Variants in ATP6V0E2 observed in about 807,000 individuals in gnomAD.
The protein encoded by ATP6V0E2 is ATPase H+ transporting V0 subunit e2, also known as V-type proton ATPase subunit e 2.
In ATP6V0E2, 4 loss-of-function variants were observed where a neutral mutation model predicts 11.5. That is an observed-to-expected ratio of 0.35 (90% CI 0.17 to 0.80). The LOEUF (loss-of-function observed/expected upper bound fraction) is 0.80, where lower values mean the gene tolerates loss of function less well. Among genes scored for constraint, ATP6V0E2 ranks in the 30% least tolerant of loss-of-function variants. ATP6V0E2 has a pLI of 0.53. For synonymous variants in ATP6V0E2, 52 were observed against 51.0 expected (o/e 1.02, Z -0.09); for missense variants, 93 against 113.5 (o/e 0.82, Z 0.82).
chr7:149,878,721 C>T lies in ATP6V0E2; in HGVS notation c.196C>T (p.Pro66Ser), dbSNP rs760406815. 6.2e-7 allele frequency: 1 copy of T among 1,613,002 alleles called. No individual in the cohort carries two copies. Among genetic ancestry groups the T allele is most frequent in the Non-Finnish European group, 8.5e-7 (1 of 1,179,878 alleles). ...ILAQLNPLFG[P>S]QLKNETIWYV... Reference sequence around the variant, plus strand: ...GGCGCAGCTGAACCCCCTGTTCGGGCCCCAGCTGAAGAATGAGACCATCTG... The same window carrying T: ...GGCGCAGCTGAACCCCCTGTTCGGGTCCCAGCTGAAGAATGAGACCATCTG... The change falls in exon 3 of 4, where the codon CCC (proline) becomes TCC (serine). Residue 66 changes from proline to serine, a missense_variant. Pro to Ser is a moderately conservative substitution (Grantham distance 74, BLOSUM62 -1). Transcript: ENST00000425642.
intron 2 of ATP6V0E2, 21 bp downstream of exon 2, chr7:149,875,666 C>T (rs754896597): frequency 1.9e-6 from 3 of 1,610,746 alleles, no homozygotes; most frequent in Non-Finnish European, 2.5e-6. Context: ...CTCTCCCCAG[C>T]TCAAAGTCAG....
At chr7:149,876,034 CTGT>C (rs1803114566) in intron 2 of ATP6V0E2, 1 of 471,642 alleles carries the variant, frequency 2.1e-6, no homozygotes, top group Non-Finnish European at 4.2e-6. Context: ...TTGGGAATTC[CTGT>C]TGTTCATGAA....
At position 149,879,418 on chromosome 7, in the gene ATP6V0E2, T is replaced by A; in HGVS notation, c.*103T>A. On this transcript the variant is annotated 3_prime_UTR_variant, in exon 4 of 4. Transcript: ENST00000425642. The stretch of plus-strand genomic sequence containing the variant: ...CCCTCCCCCACACAACTATGTCTGG[T>A]CACCAGCTCCCTCCTGCTGGCACCC... 1 of 1,605,278 alleles carries A rather than the reference T, an allele frequency of 6.2e-7. No homozygotes were observed. Among genetic ancestry groups the A allele is most frequent in the Non-Finnish European group, 8.5e-7 (1 of 1,176,182 alleles).
upstream of ATP6V0E2, chr7:149,873,918 G>A: frequency 6.6e-7 from 1 of 1,523,878 alleles, no homozygotes; most frequent in Non-Finnish European, 8.8e-7. Flanking sequence ...TGGATCAGGA[G>A]ATGCGCGTGC....
At chr7:149,873,835 C>G, upstream of ATP6V0E2, 1 of 1,437,426 alleles carries the variant, frequency 7.0e-7, no homozygotes, top group South Asian at 1.5e-5. Context: ...CGGCATTTCT[C>G]TCTGTCCGCG....
chr7:149,875,530 C>G, intron 1 of ATP6V0E2, 68 bp from the exon 2 acceptor site: 1 of 1,533,886 alleles, frequency 6.5e-7, no homozygotes, highest in Non-Finnish European at 9.0e-7. Flanking sequence ...TCTTCTTGCT[C>G]TGGTCCTGGC....
At chr7:149,875,199 T>C (rs1334377104) in intron 1 of ATP6V0E2, among the ~76,000 whole-genome samples, 1 of 152,258 alleles carries the variant, frequency 6.6e-6, no homozygotes, top group Non-Finnish European at 1.5e-5. Context: ...CCCTGTCTTC[T>C]AGCCTATTGT....
chr7:149,873,405 A>G (rs1312861402), upstream of ATP6V0E2: 1 of 152,592 alleles, frequency 6.6e-6, no homozygotes, highest in Non-Finnish European at 1.5e-5. Context: ...CCTTCCCCCA[A>G]ACGTCTCAGC....
At chr7:149,878,230 C>T (rs935178675) in intron 2 of ATP6V0E2, among the ~76,000 whole-genome samples, 1 of 152,222 alleles carries the variant, frequency 6.6e-6, no homozygotes, top group African/African-American at 2.4e-5. Flanking sequence ...GGCCCCTGAC[C>T]CGTCAGCTCC....
At chr7:149,876,923 T>G (rs1386848746) in intron 2 of ATP6V0E2, among the ~76,000 whole-genome samples, 1 of 152,232 alleles carries the variant, frequency 6.6e-6, no homozygotes, top group African/African-American at 2.4e-5. Context: ...TCAAAATACA[T>G]AGGACAAAAC....
In ATP6V0E2 at chr7:149,879,881, C is replaced by G; in HGVS notation, c.*566C>G. On this transcript the variant is annotated 3_prime_UTR_variant, in exon 4 of 4. Coordinates refer to ENST00000425642, the MANE Select transcript of ATP6V0E2 (RefSeq NM_145230.4). ...GAAAATGTTGAAGCAGAGAAACATT[C>G]ACACACAAAAAGCAACATAGTCATG... 2.4e-6 allele frequency: 1 copy of G among 420,436 alleles called. No individual in the cohort carries two copies. Among genetic ancestry groups the G allele is most frequent in the Non-Finnish European group, 4.1e-6 (1 of 244,216 alleles). 26.0% of individuals were successfully genotyped at this position (420,436 alleles called of 1,614,324 possible).
upstream of ATP6V0E2, chr7:149,873,689 A>G: frequency 2.0e-6 from 1 of 501,952 alleles, no homozygotes; most frequent in South Asian, 5.2e-5. Context: ...ACGCCCCGAA[A>G]GACCGCTGGG....
In ATP6V0E2 at chr7:149,879,508, GGGC is replaced by G; in HGVS notation, c.*194_*196del. ...TCTTCCCAGTCTTCCCAGCCAGCCC[GGGC>G]CCTGGGGAGCCCTGGGCACAGCAGC... On this transcript the variant is annotated 3_prime_UTR_variant, in exon 4 of 4. Coordinates refer to ENST00000425642, the MANE Select transcript of ATP6V0E2 (RefSeq NM_145230.4). 6.3e-7 allele frequency: 1 copy of G among 1,589,086 alleles called. No homozygotes were observed. The highest frequency in any genetic ancestry group is 8.6e-7 in the Non-Finnish European group (1 of 1,167,920).
At chr7:149,874,262 C>T (rs1803003485) in intron 1 of ATP6V0E2, 93 bp downstream of exon 1, 2 of 1,426,148 alleles carry the variant, frequency 1.4e-6, no homozygotes, top group Admixed American at 5.5e-5. Flanking sequence ...TCCTGCTCTG[C>T]AGCGAGCGTC....
At position 149,879,335 on chromosome 7, in the gene ATP6V0E2, G is replaced by A. The variant is rs1282363550; in HGVS notation, c.*20G>A. 6.5e-7 allele frequency: 1 copy of A among 1,529,330 alleles called. No homozygotes were observed. Among genetic ancestry groups the A allele is most frequent in the Non-Finnish European group, 8.8e-7 (1 of 1,134,802 alleles). 94.7% of individuals were successfully genotyped at this position (1,529,330 alleles called of 1,614,324 possible). The stretch of plus-strand genomic sequence containing the variant: ...CCCTTCCATGTGATGTGCTTTTCAG[G>A]TGCCCAGCTCTCGGAATGACTGTGG... On this transcript the variant is annotated splice_region_variant and 3_prime_UTR_variant, in exon 4 of 4. Transcript: ENST00000425642.
chr7:149,874,503 AG>A (rs1563135909), intron 1 of ATP6V0E2: 1 of 264,972 alleles, frequency 3.8e-6, no homozygotes, highest in Non-Finnish European at 7.2e-6. Flanking sequence ...GCCAATATCA[AG>A]TCTCAGTTTC....
intron 2 of ATP6V0E2, among the ~76,000 whole-genome samples, chr7:149,876,508 A>G (rs923356872): frequency 1.3e-5 from 2 of 152,164 alleles, no homozygotes; most frequent in African/African-American, 4.8e-5. Context: ...CTCAGTGTCT[A>G]TTGTTTAGTC....
Position 149,874,521 on chromosome 7 carries a change from G to C in ATP6V0E2, c.104+352G>C, listed in dbSNP as rs147665049. The C allele has an allele frequency of 6.2e-3, 1,470 of 237,390 alleles. 24 individuals are homozygous for C. The highest frequency in any genetic ancestry group is 0.032 in the African/African-American group (1,376 of 43,420). The allele number at this position is 237,390 out of a possible 1,614,324, so 14.7% of individuals were successfully genotyped here. A position where few individuals can be genotyped will look rare whatever the true frequency, so the allele number is the denominator to read the frequency against. Reference sequence around the variant, plus strand: ...AATATCAAGTCTCAGTTTCTTCATGGGTAAAATGGAGATAATGTCGACTCC... The same window carrying C: ...AATATCAAGTCTCAGTTTCTTCATGCGTAAAATGGAGATAATGTCGACTCC... On this transcript the variant is annotated intron_variant, in intron 1 of 3. Transcript: ENST00000425642.
chr7:149,878,611 G>A (rs1358328013), intron 2 of ATP6V0E2, 67 bp from the exon 3 acceptor site: 20 of 1,447,588 alleles, frequency 1.4e-5, no homozygotes, highest in African/African-American at 4.2e-5. Flanking sequence ...TAATATGACC[G>A]AGGCCTCCCC....
Sources: allele counts gnomAD v4.1 joint callset (sites outside exome capture counted in the v4.1 genomes callset), GRCh38; gene constraint gnomAD v4.1.1; transcripts MANE v1.5; gene names NCBI Gene and HGNC (gene_info 2026-07-23, HGNC 2026-07-21).